SH3KBP1: variants seen among roughly 807,000 people sequenced by gnomAD.
SH3KBP1 encodes the protein SH3 domain-containing kinase-binding protein 1.
A neutral mutation model predicts 50.1 loss-of-function variants in SH3KBP1; 8 were observed. The observed-to-expected ratio is 0.16, with a 90% CI of 0.09 to 0.29. The LOEUF is 0.29. Ranked by LOEUF, SH3KBP1 falls within the 10% of genes least tolerant of loss-of-function variation. The pLI is 1.00. For missense variants in SH3KBP1, 377 were observed against 535.2 expected (o/e 0.70, Z 2.92); for synonymous variants, 227 against 218.6 (o/e 1.04, Z -0.34).
chrX:19,619,730 C>T (rs1254723668), intron 8 of SH3KBP1, among the ~76,000 whole-genome samples: 1 of 111,320 alleles, frequency 9.0e-6, no homozygotes, highest in Non-Finnish European at 1.9e-5. Context: ...TGCAGTGAGC[C>T]GAGATGGTGC....
chrX:19,624,025 C>T (rs1175659560), intron 8 of SH3KBP1, among the ~76,000 whole-genome samples: 1 of 111,755 alleles, frequency 8.9e-6, no homozygotes, highest in African/African-American at 3.3e-5. Context: ...CAGAGTCTCT[C>T]GCTATGTTGC....
intron 1 of SH3KBP1, among the ~76,000 whole-genome samples, chrX:19,882,759 C>G (rs943752506): frequency 2.7e-5 from 3 of 111,519 alleles, no homozygotes; most frequent in African/African-American, 9.8e-5. Flanking sequence ...TTAAAGTCCC[C>G]TTTAAAGAGG....
rs1357207821 is a variant in SH3KBP1, at chrX:19,732,985, ATCCCATG to A, written c.286+13326_286+13332del. ...GTAACACTTGACTCAACAGAGTGACATCCCATGTCACTGGCTGACTAGAATAAGCTGT... is the reference window on the plus strand; with the variant it reads ...GTAACACTTGACTCAACAGAGTGACATCACTGGCTGACTAGAATAAGCTGT... On this transcript the variant is annotated intron_variant, in intron 3 of 17. Coordinates refer to ENST00000397821, the MANE Select transcript of SH3KBP1 (RefSeq NM_031892.3). 1.8e-5 allele frequency among the ~76,000 whole-genome samples: 2 copies of A among 112,064 alleles called. 1 individual carries two copies. The highest frequency in any genetic ancestry group is 5.6e-4 in the East Asian group (2 of 3,598).
chrX:19,884,515 T>C (rs763059160), intron 1 of SH3KBP1, among the ~76,000 whole-genome samples: 3 of 112,744 alleles, frequency 2.7e-5, no homozygotes, highest in East Asian at 2.8e-4. Flanking sequence ...CCAAGATGGA[T>C]AGAAGTGGGT....
chrX:19,691,348 C>CTATA (rs1474596689), intron 5 of SH3KBP1, among the ~76,000 whole-genome samples: 17 of 95,373 alleles, frequency 1.8e-4, no homozygotes, highest in African/African-American at 6.6e-4. Context: ...CTCTCTCTCT[C>CTATA]TCTCTCTCTA....
At chrX:19,796,756 G>C (rs1423559119) in intron 2 of SH3KBP1, among the ~76,000 whole-genome samples, 1 of 112,288 alleles carries the variant, frequency 8.9e-6, no homozygotes, top group Non-Finnish European at 1.9e-5. Flanking sequence ...GAAGACAGGT[G>C]GTTTTCATTT....
intron 1 of SH3KBP1, among the ~76,000 whole-genome samples, chrX:19,852,568 C>T (rs1193567676): frequency 9.4e-6 from 1 of 106,452 alleles, no homozygotes; most frequent in Non-Finnish European, 1.9e-5. Flanking sequence ...TGCCCCTGTT[C>T]CTGCTCATAT....
At chrX:19,611,467 C>A (rs1385059492) in intron 8 of SH3KBP1, among the ~76,000 whole-genome samples, 1 of 111,818 alleles carries the variant, frequency 8.9e-6, no homozygotes, top group African/African-American at 3.3e-5. Context: ...AATTCTCCTG[C>A]CTCAGCCTCC....
At chrX:19,564,355 C>T (rs1401939999) in intron 13 of SH3KBP1, among the ~76,000 whole-genome samples, 2 of 112,253 alleles carry the variant, frequency 1.8e-5, no homozygotes, top group African/African-American at 6.5e-5. Flanking sequence ...CTTTACCATA[C>T]AGAGTACAGA....
At chrX:19,874,095 A>G (rs1438483617) in intron 1 of SH3KBP1, among the ~76,000 whole-genome samples, 7 of 97,571 alleles carry the variant, frequency 7.2e-5, no homozygotes, top group African/African-American at 2.9e-4. Flanking sequence ...ATAAAACTCT[A>G]AAAGAAGTAC....
intron 8 of SH3KBP1, among the ~76,000 whole-genome samples, chrX:19,629,507 C>T (rs1602723795): frequency 9.0e-6 from 1 of 111,267 alleles, no homozygotes; most frequent in African/African-American, 3.3e-5. Context: ...TCCTCCAGAC[C>T]GGGTGCTATG....
chrX:19,726,943 GA>G (rs931937512), intron 3 of SH3KBP1, among the ~76,000 whole-genome samples: 6 of 112,004 alleles, frequency 5.4e-5, no homozygotes, highest in African/African-American at 1.9e-4. Context: ...AAAATGAAAA[GA>G]AAACAGGAGA....
At position 19,694,642 on chromosome X, in the gene SH3KBP1, A is replaced by T. The variant is rs752555237; in HGVS notation, c.520+970T>A. 1.7e-4 allele frequency among the ~76,000 whole-genome samples: 19 copies of T among 111,419 alleles called. No individual in the cohort carries two copies. In the Admixed American group the frequency reaches 1.7e-3, roughly 10 times the overall value. On this transcript the variant is annotated intron_variant, in intron 5 of 17. Coordinates refer to ENST00000397821, the MANE Select transcript of SH3KBP1 (RefSeq NM_031892.3). ...CAGGCTACATCATCCAGAGCTGCTG[A>T]GACACCAAGTGAAGGAAGTCGCTTG...
rs1448134190 is a variant in SH3KBP1 at position 19,536,410 on chromosome X, C to T, written c.*7G>A. ...ATGAATAATGTGACATTTCATTGAT[C>T]AAGTATTCATTTTGATTGTAGAGCT... On this transcript the variant is annotated 3_prime_UTR_variant, in exon 18 of 18. Transcript: ENST00000397821. 36 of 1,120,268 alleles carry T rather than the reference C, an allele frequency of 3.2e-5. No individual in the cohort carries two copies. The highest frequency in any genetic ancestry group is 4.2e-5 in the Non-Finnish European group (35 of 825,126). 92.3% of individuals were successfully genotyped at this position (1,120,268 alleles called of 1,213,427 possible).
At chrX:19,874,048 C>CAAAAA (rs55948760) in intron 1 of SH3KBP1, among the ~76,000 whole-genome samples, 4 of 26,283 alleles carry the variant, frequency 1.5e-4, no homozygotes, top group Admixed American at 6.0e-4. Context: ...GAGTCCATCT[C>CAAAAA]AAAAAAAAAA....
intron 14 of SH3KBP1, among the ~76,000 whole-genome samples, chrX:19,547,156 A>G (rs954586432): frequency 2.7e-4 from 15 of 55,073 alleles, no homozygotes; most frequent in Non-Finnish European, 3.1e-5. Context: ...CCCTGTCTGG[A>G]AAAAAAAAAA....
chrX:19,605,458 A>G lies in SH3KBP1; in HGVS notation c.1005+2480T>C, dbSNP rs376101044. 2.8e-3 allele frequency among the ~76,000 whole-genome samples: 312 copies of G among 112,103 alleles called. 1 individual carries two copies. The highest frequency in any genetic ancestry group is 9.5e-3 in the African/African-American group (294 of 30,863). ...GTCTAGTAAGATGGTATGCTTGCTA[A>G]GATTCCTTGGTCGAAGGGAGAGGAG... On this transcript the variant is annotated intron_variant, in intron 9 of 17. Coordinates refer to ENST00000397821, the MANE Select transcript of SH3KBP1 (RefSeq NM_031892.3).
chrX:19,593,236 A>G (rs1449045611), intron 10 of SH3KBP1, among the ~76,000 whole-genome samples: 1 of 111,549 alleles, frequency 9.0e-6, no homozygotes. Flanking sequence ...CTGAGTTCTT[A>G]ACAAACTCTT....
chrX:19,659,034 C>T (rs1030715194), intron 6 of SH3KBP1, among the ~76,000 whole-genome samples: 2 of 108,101 alleles, frequency 1.9e-5, no homozygotes, highest in Non-Finnish European at 3.8e-5. Flanking sequence ...TAGCTCACCG[C>T]AGCCTTGACC....
Sources: gnomAD v4.1 joint callset for allele counts (sites outside exome capture counted in the v4.1 genomes callset) on GRCh38, gnomAD v4.1.1 for gene constraint, MANE v1.5 for transcripts, NCBI Gene and HGNC (gene_info 2026-07-23, HGNC 2026-07-21) for gene names.